KIAA1328: variants seen among roughly 807,000 people sequenced by gnomAD.
KIAA1328 encodes the protein KIAA1328, also known as protein hinderin.
KIAA1328 carries 52 observed loss-of-function variants against 68.1 expected under a neutral mutation model. The observed-to-expected ratio is 0.76, with a 90% CI of 0.61 to 0.96. KIAA1328 has a LOEUF of 0.96. Among genes scored for constraint, KIAA1328 ranks in the 40% least tolerant of loss-of-function variants. The pLI is 0.00. For missense variants in KIAA1328, 641 were observed against 677.6 expected, an observed-to-expected ratio of 0.95 and a Z score of 0.60; for synonymous variants, 232 against 239.4, an observed-to-expected ratio of 0.97 and a Z score of 0.28.
intron 9 of KIAA1328, among the ~76,000 whole-genome samples, chr18:37,189,019 A>G (rs1424372210): frequency 3.3e-5 from 5 of 152,196 alleles, no homozygotes; most frequent in Non-Finnish European, 7.3e-5. Context: ...AGAGTTGAGT[A>G]AAAATCTGTT....
Position 36,834,330 on chromosome 18 carries a change from A to G in KIAA1328, c.69A>G (p.Glu23=), listed in dbSNP as rs752906318. Residue 23 remains glutamate (E), a synonymous_variant, in exon 2 of 10, where the codon GAA becomes GAG. Transcript: ENST00000280020. ...AAFWSRDFSD[E]EQSVVYVPGI... ...TGTTCTCCTGCGTAGTTTCTGATGAAGAACAATCAGTAGTATACGTTCCAG... is the reference window on the plus strand; with the variant it reads ...TGTTCTCCTGCGTAGTTTCTGATGAGGAACAATCAGTAGTATACGTTCCAG... The G allele has an allele frequency of 6.9e-6, 11 of 1,587,354 alleles. No homozygotes were observed. The highest frequency in any genetic ancestry group is 2.7e-5 in the African/African-American group (2 of 74,218).
At chr18:37,179,677 G>A (rs748036530) in intron 9 of KIAA1328, among the ~76,000 whole-genome samples, 48 of 152,036 alleles carry the variant, frequency 3.2e-4, no homozygotes, top group Non-Finnish European at 5.6e-4. Flanking sequence ...ATCCCAGTCT[G>A]GAAGGAATCT....
chr18:36,954,902 G>T (rs572117000), intron 5 of KIAA1328, among the ~76,000 whole-genome samples: 5 of 151,904 alleles, frequency 3.3e-5, no homozygotes, highest in African/African-American at 1.2e-4. Context: ...CACCATGCCT[G>T]GGCAGGCTGG....
intron 6 of KIAA1328, 92 bp downstream of exon 6, chr18:36,959,527 A>G (rs2051568910): frequency 7.4e-7 from 1 of 1,349,954 alleles, no homozygotes; most frequent in Non-Finnish European, 1.0e-6. Flanking sequence ...TCCTCCCAGT[A>G]TATAATATTG....
chr18:36,963,747 C>T (rs1317423653), intron 6 of KIAA1328, among the ~76,000 whole-genome samples: 1 of 152,152 alleles, frequency 6.6e-6, no homozygotes, highest in Non-Finnish European at 1.5e-5. Flanking sequence ...AGACTGTGCC[C>T]ATCTCTGTAA....
intron 7 of KIAA1328, among the ~76,000 whole-genome samples, chr18:37,144,103 G>A (rs2058842148): frequency 6.6e-6 from 1 of 152,130 alleles, no homozygotes; most frequent in Non-Finnish European, 1.5e-5. Context: ...TAACAGATAT[G>A]AAGCTACTCA....
intron 9 of KIAA1328, among the ~76,000 whole-genome samples, chr18:37,196,175 C>T (rs897285457): frequency 6.6e-6 from 1 of 152,054 alleles, no homozygotes; most frequent in African/African-American, 2.4e-5. Flanking sequence ...TTTGTCAATT[C>T]TAAGAGTTTT....
At chr18:37,002,228 C>CTT (rs145948250) in intron 6 of KIAA1328, among the ~76,000 whole-genome samples, 27 of 95,158 alleles carry the variant, frequency 2.8e-4, no homozygotes, top group Non-Finnish European at 3.9e-4. Flanking sequence ...ATTTTTTTTT[C>CTT]TTTTTTTTTT....
chr18:36,869,354 G>A (rs1479666606), intron 4 of KIAA1328, among the ~76,000 whole-genome samples: 1 of 152,000 alleles, frequency 6.6e-6, no homozygotes, highest in African/African-American at 2.4e-5. Context: ...AAAGAAGTTC[G>A]TTTTCTATAG....
intron 6 of KIAA1328, among the ~76,000 whole-genome samples, chr18:37,008,263 A>G (rs1051118333): frequency 6.6e-6 from 1 of 152,252 alleles, no homozygotes; most frequent in Non-Finnish European, 1.5e-5. Flanking sequence ...GGGCAACACA[A>G]GTACTATGCT....
At chr18:37,007,252 T>TG (rs984399455) in intron 6 of KIAA1328, among the ~76,000 whole-genome samples, 10 of 152,146 alleles carry the variant, frequency 6.6e-5, no homozygotes, top group African/African-American at 2.4e-4. Flanking sequence ...TCTGGAAAAT[T>TG]GCATTTGAGG....
At chr18:36,965,205 C>T (rs1259405555) in intron 6 of KIAA1328, among the ~76,000 whole-genome samples, 13 of 151,840 alleles carry the variant, frequency 8.6e-5, no homozygotes, top group Admixed American at 8.5e-4. Flanking sequence ...ACTTTTTAGC[C>T]ATGGGCAATG....
intron 5 of KIAA1328, among the ~76,000 whole-genome samples, chr18:36,909,143 A>G (rs2049331753): frequency 6.6e-6 from 1 of 151,958 alleles, no homozygotes; most frequent in Admixed American, 6.6e-5. Flanking sequence ...GCTTTTTTTT[A>G]TTATTATACT....
intron 6 of KIAA1328, among the ~76,000 whole-genome samples, chr18:37,026,716 A>G (rs1298958319): frequency 6.6e-6 from 1 of 152,178 alleles, no homozygotes; most frequent in African/African-American, 2.4e-5. Flanking sequence ...TATTGATGGG[A>G]TGTATCTGAA....
chr18:36,960,661 C>G (rs1424462527), intron 6 of KIAA1328, among the ~76,000 whole-genome samples: 1 of 152,156 alleles, frequency 6.6e-6, no homozygotes, highest in Non-Finnish European at 1.5e-5. Context: ...CTGGTGATAC[C>G]CAGGCAAACA....
chr18:36,894,780 G>A (rs945822567), intron 5 of KIAA1328, among the ~76,000 whole-genome samples: 9 of 152,164 alleles, frequency 5.9e-5, no homozygotes, highest in Non-Finnish European at 1.2e-4. Context: ...TCACCTAGGT[G>A]TCCTAAAGTA....
At chr18:37,042,456 TATGTGG>T (rs995866716) in intron 6 of KIAA1328, among the ~76,000 whole-genome samples, 4 of 152,224 alleles carry the variant, frequency 2.6e-5, no homozygotes, top group Non-Finnish European at 5.9e-5. Context: ...TGTTTTTAAA[TATGTGG>T]ATGTCTATTT....
chr18:37,182,872 G>C (rs573236270), intron 9 of KIAA1328, among the ~76,000 whole-genome samples: 1 of 152,258 alleles, frequency 6.6e-6, no homozygotes, highest in African/African-American at 2.4e-5. Context: ...TGGGCACTCA[G>C]TGTTAGCTTT....
At chr18:36,941,802 G>C (rs1409964232) in intron 5 of KIAA1328, among the ~76,000 whole-genome samples, 2 of 151,954 alleles carry the variant, frequency 1.3e-5, no homozygotes, top group African/African-American at 4.8e-5. Context: ...GCTATAAGGA[G>C]ACATTTGCAT....
Sources: allele counts gnomAD v4.1 joint callset (sites outside exome capture counted in the v4.1 genomes callset), GRCh38; gene constraint gnomAD v4.1.1; transcripts MANE v1.5; gene names NCBI Gene and HGNC (gene_info 2026-07-23, HGNC 2026-07-21).